NIBAN1: variants seen among roughly 807,000 people sequenced by gnomAD.
NIBAN1 encodes the protein protein Niban 1.
Under a neutral mutation model 75.1 loss-of-function variants are expected in NIBAN1, and 81 were observed. The ratio of observed to expected loss-of-function variants is 1.08; its 90% CI spans 0.90 to 1.30. The LOEUF (loss-of-function observed/expected upper bound fraction) is 1.30, where lower values mean the gene tolerates loss of function less well. NIBAN1 is among the 50% of genes most tolerant of loss of function. The pLI, the probability that NIBAN1 is intolerant of heterozygous loss-of-function variation, is 0.00. For synonymous variants in NIBAN1, 436 were observed against 424.8 expected, an observed-to-expected ratio of 1.03 and a Z score of -0.32; for missense variants, 1,133 against 1,128.1, an observed-to-expected ratio of 1.00 and a Z score of -0.06.
intron 1 of NIBAN1, among the ~76,000 whole-genome samples, chr1:184,912,358 C>T (rs1657263524): frequency 1.3e-5 from 2 of 152,136 alleles, no homozygotes; most frequent in Admixed American, 1.3e-4. Context: ...ACAAGTTTCT[C>T]TACTGCGTGT....
intron 1 of NIBAN1, among the ~76,000 whole-genome samples, chr1:184,969,474 C>T (rs1658879655): frequency 6.6e-6 from 1 of 152,126 alleles, no homozygotes; most frequent in Non-Finnish European, 1.5e-5. Context: ...CTTCACTTTG[C>T]CTCCTTTTTA....
At chr1:184,821,237 G>C (rs1334359918) in intron 8 of NIBAN1, among the ~76,000 whole-genome samples, 1 of 152,000 alleles carries the variant, frequency 6.6e-6, no homozygotes, top group East Asian at 1.9e-4. Flanking sequence ...TAAAGCTCAG[G>C]GGCTTTACTC....
chr1:184,798,154 G>A lies in NIBAN1; in HGVS notation c.1591C>T (p.His531Tyr). Residue 531 changes from histidine (H) to tyrosine (Y), a missense_variant, in exon 13 of 14, where the codon CAT becomes TAT. Physicochemically the swap from His to Tyr is moderately conservative, Grantham distance 83. Transcript: ENST00000367511. The stretch of plus-strand genomic sequence containing the variant: ...TTTTCAACGTGAATCATATTGGTAT[G>A]ATCTGCAAAGATGAACTGCTCGTAT... ...QKYEQFIFAD[H>Y]TNMIHVENVY... 1.2e-6 allele frequency: 2 copies of A among 1,608,990 alleles called. No homozygotes were observed. The highest frequency in any genetic ancestry group is 8.5e-7 in the Non-Finnish European group (1 of 1,176,134).
intron 1 of NIBAN1, among the ~76,000 whole-genome samples, chr1:184,950,573 T>C (rs137982660): frequency 1.5e-3 from 221 of 152,314 alleles, no homozygotes; most frequent in African/African-American, 5.2e-3. Flanking sequence ...AGAAGATGCT[T>C]ATGCAAATGA....
intron 5 of NIBAN1, among the ~76,000 whole-genome samples, chr1:184,879,822 T>G (rs1225955238): frequency 2.0e-5 from 3 of 152,194 alleles, no homozygotes; most frequent in African/African-American, 7.2e-5. Context: ...AGCTCCACAT[T>G]CCACCTGACT....
intron 9 of NIBAN1, among the ~76,000 whole-genome samples, chr1:184,815,298 T>C (rs1015309551): frequency 2.0e-5 from 3 of 152,192 alleles, no homozygotes; most frequent in Non-Finnish European, 4.4e-5. Context: ...ATCTAGAACC[T>C]GAAGATTAGA....
chr1:184,969,371 A>T (rs1571614227), intron 1 of NIBAN1, among the ~76,000 whole-genome samples: 1 of 152,140 alleles, frequency 6.6e-6, no homozygotes, highest in East Asian at 1.9e-4. Flanking sequence ...CTTTGTCTTT[A>T]GGCTAGCTCC....
In NIBAN1 at chr1:184,798,176, G is replaced by T; in HGVS notation, c.1569C>A (p.Tyr523Ter). 1 of 1,602,196 alleles carries T rather than the reference G, an allele frequency of 6.2e-7. No individual in the cohort carries two copies. Among genetic ancestry groups the T allele is most frequent in the Non-Finnish European group, 8.5e-7 (1 of 1,171,126 alleles). ...TATGATCTGCAAAGATGAACTGCTC[G>T]TATTTCTGAAGCTCCTGGAGAGCAA... Reference protein sequence around the residue: ...ASTCKPELQKYEQFIFADHTN... With the variant: ...ASTCKPELQK The change falls in exon 13 of 14, where the codon TAC becomes TAA. Residue 523 changes from tyrosine to a stop codon, truncating the protein, a stop_gained. Coordinates refer to ENST00000367511, the MANE Select transcript of NIBAN1 (RefSeq NM_052966.4). LOFTEE classifies it high-confidence loss of function.
chr1:184,796,627 C>T (rs1653878755), intron 13 of NIBAN1, among the ~76,000 whole-genome samples: 1 of 152,132 alleles, frequency 6.6e-6, no homozygotes, highest in Admixed American at 6.5e-5. Context: ...TCAAAGGCCT[C>T]CAGAGGGGCA....
intron 6 of NIBAN1, among the ~76,000 whole-genome samples, chr1:184,827,966 T>G (rs905676644): frequency 7.3e-5 from 11 of 150,906 alleles, no homozygotes; most frequent in South Asian, 6.3e-4. Context: ...TTTTGTTTTT[T>G]TTTTTTTTTT....
chr1:184,929,900 CT>C (rs1426616586), intron 1 of NIBAN1, among the ~76,000 whole-genome samples: 3 of 152,232 alleles, frequency 2.0e-5, no homozygotes, highest in Middle Eastern at 3.2e-3. Context: ...ATCTAACCAA[CT>C]GTAAGCCTGC....
At chr1:184,857,670 G>T (rs376417752) in intron 5 of NIBAN1, among the ~76,000 whole-genome samples, 3 of 152,088 alleles carry the variant, frequency 2.0e-5, no homozygotes, top group Non-Finnish European at 4.4e-5. Context: ...GCATTAACAT[G>T]AGAATAAACA....
At chr1:184,830,958 C>T (rs111796663) in intron 6 of NIBAN1, among the ~76,000 whole-genome samples, 8,416 of 151,364 alleles carry the variant, frequency 0.056, 275 homozygotes, top group Middle Eastern at 0.089. Flanking sequence ...TGAGATTGCG[C>T]CACTGTACTC....
chr1:184,911,065 A>C (rs1571567098), intron 1 of NIBAN1, among the ~76,000 whole-genome samples: 1 of 147,720 alleles, frequency 6.8e-6, no homozygotes, highest in Non-Finnish European at 1.5e-5. Flanking sequence ...TAACAAATAC[A>C]CACACACACA....
chr1:184,937,145 C>CTTTTTTTT (rs138240427), intron 1 of NIBAN1, among the ~76,000 whole-genome samples: 3 of 92,126 alleles, frequency 3.3e-5, no homozygotes, highest in Non-Finnish European at 6.1e-5. Context: ...TAGCTGGATT[C>CTTTTTTTT]TTTTTTTTTT....
At chr1:184,878,096 T>C (rs1656278582) in intron 5 of NIBAN1, among the ~76,000 whole-genome samples, 1 of 152,176 alleles carries the variant, frequency 6.6e-6, no homozygotes, top group Admixed American at 6.5e-5. Context: ...AAGAGCACCA[T>C]GTTTGATGGG....
At chr1:184,890,355 G>A in intron 3 of NIBAN1, 133 bp from the exon 4 acceptor site, 2 of 644,144 alleles carry the variant, frequency 3.1e-6, no homozygotes, top group Non-Finnish European at 5.5e-6. Flanking sequence ...TTGAGTTATA[G>A]TCATTTACTC....
chr1:184,856,672 T>G (rs929858318), intron 5 of NIBAN1, among the ~76,000 whole-genome samples: 2 of 152,142 alleles, frequency 1.3e-5, no homozygotes, highest in African/African-American at 2.4e-5. Flanking sequence ...CTGTGAGGGA[T>G]TCTCTGAATA....
chr1:184,974,454 A>G lies in NIBAN1; in HGVS notation c.-98T>C, dbSNP rs1162085493. On this transcript the variant is annotated 5_prime_UTR_variant, in exon 1 of 14. Coordinates refer to ENST00000367511, the MANE Select transcript of NIBAN1 (RefSeq NM_052966.4). ...CGACGGCGAACCCGGCTCTGAAATT[A>G]AGAGCAAACTTCCTTCGAGAGGCGA... The G allele has an allele frequency of 6.9e-7, 1 of 1,438,980 alleles. No individual in the cohort carries two copies. Among genetic ancestry groups the G allele is most frequent in the Non-Finnish European group, 9.3e-7 (1 of 1,074,218 alleles). 89.1% of individuals were successfully genotyped at this position (1,438,980 alleles called of 1,614,324 possible). A position where few individuals can be genotyped will look rare whatever the true frequency, so the allele number is the denominator to read the frequency against.
Sources: allele counts gnomAD v4.1 joint callset (sites outside exome capture counted in the v4.1 genomes callset), GRCh38; gene constraint gnomAD v4.1.1; transcripts MANE v1.5; gene names NCBI Gene and HGNC (gene_info 2026-07-23, HGNC 2026-07-21).